The following SLC37A1 variants were observed in gnomAD, a reference collection of about 807,000 sequenced individuals.
SLC37A1 encodes the protein glucose-6-phosphate exchanger SLC37A1.
In SLC37A1, 49 loss-of-function variants were observed where a neutral mutation model predicts 75.3. The ratio of observed to expected loss-of-function variants is 0.65; its 90% CI spans 0.52 to 0.83. The LOEUF is 0.83. Ranked by LOEUF, SLC37A1 falls within the 40% of genes least tolerant of loss-of-function variation. The pLI is 0.00. For synonymous variants in SLC37A1, 268 were observed against 292.1 expected (o/e 0.92, Z 0.84); for missense variants, 566 against 695.0 (o/e 0.81, Z 2.09).
chr21:42,530,697 C>T (rs2054945605), intron 3 of SLC37A1, among the ~76,000 whole-genome samples: 1 of 150,402 alleles, frequency 6.6e-6, no homozygotes, highest in Admixed American at 6.6e-5. Context: ...CTGGCCTAAC[C>T]CCACTGTCCT....
At chr21:42,562,324 T>C (rs911604674) in intron 12 of SLC37A1, among the ~76,000 whole-genome samples, 156 bp downstream of exon 12, 6 of 152,228 alleles carry the variant, frequency 3.9e-5, no homozygotes, top group African/African-American at 1.4e-4. Context: ...AAACATAGGC[T>C]AAAAGAATTC....
intron 17 of SLC37A1, among the ~76,000 whole-genome samples, chr21:42,571,705 A>C (rs2056172308): frequency 6.7e-6 from 1 of 150,236 alleles, no homozygotes; most frequent in African/African-American, 2.5e-5. Flanking sequence ...CTCCTCAGTT[A>C]TACCAGCCAT....
chr21:42,579,130 C>A (rs147263741), intron 18 of SLC37A1, among the ~76,000 whole-genome samples: 1 of 152,242 alleles, frequency 6.6e-6, no homozygotes, highest in South Asian at 2.1e-4. Flanking sequence ...ATGTGAAGGG[C>A]ACGGAGTTAA....
chr21:42,517,416 C>T (rs1300315989), intron 1 of SLC37A1, among the ~76,000 whole-genome samples: 1 of 152,112 alleles, frequency 6.6e-6, no homozygotes, highest in Non-Finnish European at 1.5e-5. Context: ...AGGGGCGGCT[C>T]CTGGGACGAA....
chr21:42,521,425 T>C (rs555424639), intron 2 of SLC37A1, among the ~76,000 whole-genome samples: 20 of 152,344 alleles, frequency 1.3e-4, no homozygotes, highest in African/African-American at 4.3e-4. Context: ...GAGGATGTCT[T>C]TGGACTAATT....
intron 16 of SLC37A1, among the ~76,000 whole-genome samples, chr21:42,567,423 A>G (rs967236125): frequency 2.6e-5 from 4 of 152,176 alleles, no homozygotes; most frequent in African/African-American, 9.7e-5. Flanking sequence ...TCATCCAGGT[A>G]CCATGCCCTG....
Position 42,548,513 on chromosome 21 carries a change from C to G in SLC37A1, c.768+1373C>G, listed in dbSNP as rs73905684. On this transcript the variant is annotated intron_variant, in intron 9 of 19. Transcript: ENST00000352133. This position sits in a 1 kb window ranked among gnomAD's most constrained non-coding sequence, Gnocchi z 5.6. ...TTGGCCATGTTCTGTCAGTTCTGCT[C>G]TGTTCTGTGAGGGGATGTGGAATGG... 7.7e-3 allele frequency among the ~76,000 whole-genome samples: 1,177 copies of G among 152,224 alleles called. 10 individuals are homozygous for G. Among genetic ancestry groups the G allele is most frequent in the African/African-American group, 0.027 (1,131 of 41,516 alleles).
At chr21:42,512,543 C>A (rs2054447126), upstream of SLC37A1, among the ~76,000 whole-genome samples, 2 of 152,202 alleles carry the variant, frequency 1.3e-5, no homozygotes, top group Non-Finnish European at 2.9e-5. Context: ...GGGAGCCACA[C>A]TGGGCTATCA....
chr21:42,563,758 C>T (rs867383647), intron 12 of SLC37A1, 57 bp from the exon 13 acceptor site: 24 of 1,545,578 alleles, frequency 1.6e-5, no homozygotes, highest in East Asian at 6.7e-5. Context: ...CATGGTGTGT[C>T]GCTGCGATGC....
chr21:42,576,021 A>G (rs1194108115), intron 18 of SLC37A1: 1 of 917,568 alleles, frequency 1.1e-6, no homozygotes, highest in South Asian at 5.0e-5. Flanking sequence ...TTTGATGCTT[A>G]GCCAAACTCA....
intron 5 of SLC37A1, among the ~76,000 whole-genome samples, chr21:42,539,017 A>G (rs538563825): frequency 6.6e-6 from 1 of 152,324 alleles, no homozygotes; most frequent in African/African-American, 2.4e-5. Context: ...GCTGAAAGCC[A>G]CTTCCCCACT....
At chr21:42,539,443 C>T (rs190871641) in intron 5 of SLC37A1, 69 bp from the exon 6 acceptor site, 410 of 1,519,970 alleles carry the variant, frequency 2.7e-4, no homozygotes, top group Admixed American at 4.6e-4. Context: ...CGGCAAGAAA[C>T]AGCCACGAGG....
intron 11 of SLC37A1, among the ~76,000 whole-genome samples, chr21:42,559,334 C>CAGA (rs3216128): frequency 0.81 from 123,079 of 151,998 alleles, 51,088 homozygotes; most frequent in African/African-American, 0.87. Context: ...TTTAGAAATT[C>CAGA]AGGTTCATAG....
At chr21:42,579,904 C>CGTG (rs1391636635) in intron 19 of SLC37A1, 104 bp downstream of exon 19, 12 of 1,081,840 alleles carry the variant, frequency 1.1e-5, no homozygotes, top group East Asian at 2.5e-5. Flanking sequence ...AAAGAAAACG[C>CGTG]GTGGCTTATC....
chr21:42,543,140 C>T (rs1293642374), intron 7 of SLC37A1, among the ~76,000 whole-genome samples: 2 of 152,358 alleles, frequency 1.3e-5, no homozygotes, highest in Non-Finnish European at 2.9e-5. Context: ...TGTAGAGGCA[C>T]AAATTTTAAT....
At chr21:42,512,629 A>G (rs1252348004), upstream of SLC37A1, among the ~76,000 whole-genome samples, 1 of 152,244 alleles carries the variant, frequency 6.6e-6, no homozygotes, top group Admixed American at 6.5e-5. Context: ...AGGTCTGAAG[A>G]AAACCTGGCC....
In SLC37A1 at chr21:42,548,166, T is replaced by C. The variant is rs1007965091; in HGVS notation, c.768+1026T>C. ...TGCCCTGCGGCCTCCTCTCTCCTTG[T>C]CTGCCCGCTCACTGCAGGAGAGCGC... On this transcript the variant is annotated intron_variant, in intron 9 of 19. Transcript: ENST00000352133. The surrounding 1 kb of genome is among the most constrained non-coding windows in gnomAD (Gnocchi z 5.6). Among the ~76,000 whole-genome samples the C allele has an allele frequency of 6.6e-6, 1 of 152,162 alleles. No individual in the cohort carries two copies. The highest frequency in any genetic ancestry group is 1.5e-5 in the Non-Finnish European group (1 of 68,008).
At chr21:42,538,427 C>T (rs944637582) in intron 5 of SLC37A1, among the ~76,000 whole-genome samples, 7 of 152,112 alleles carry the variant, frequency 4.6e-5, no homozygotes, top group African/African-American at 9.7e-5. Context: ...ATCTCTCTGG[C>T]GTAGGTTTTT....
At chr21:42,560,956 G>A (rs1319696246) in intron 11 of SLC37A1, among the ~76,000 whole-genome samples, 2 of 152,128 alleles carry the variant, frequency 1.3e-5, no homozygotes, top group Non-Finnish European at 2.9e-5. Flanking sequence ...GGCAAGTGTG[G>A]CACACTCTGA....
Sources: gnomAD v4.1 joint callset for allele counts (sites outside exome capture counted in the v4.1 genomes callset) on GRCh38, gnomAD v4.1.1 for gene constraint, Gnocchi (gnomAD v3.1) non-coding constraint, MANE v1.5 for transcripts, NCBI Gene and HGNC (gene_info 2026-07-23, HGNC 2026-07-21) for gene names.